Variants in CTNNA2 observed in about 807,000 individuals in gnomAD.
CTNNA2 encodes catenin alpha-2.
CTNNA2 carries 42 observed loss-of-function variants against 101.0 expected under a neutral mutation model. The ratio of observed to expected loss-of-function variants is 0.42; its 90% CI spans 0.32 to 0.54. The LOEUF (loss-of-function observed/expected upper bound fraction) is 0.54, where lower values mean the gene tolerates loss of function less well. Ranked by LOEUF, CTNNA2 falls within the 20% of genes least tolerant of loss-of-function variation. The probability of loss-of-function intolerance (pLI) is 0.14; values close to 1 mark genes in which losing one functional copy is unlikely to be tolerated. For missense variants in CTNNA2, 871 were observed against 1,223.1 expected (o/e 0.71, Z 4.29); for synonymous variants, 450 against 456.4 (o/e 0.99, Z 0.18).
intron 1 of CTNNA2, among the ~76,000 whole-genome samples, chr2:79,608,792 A>G (rs1185949187): frequency 6.6e-6 from 1 of 152,114 alleles, no homozygotes; most frequent in African/African-American, 2.4e-5. Context: ...TTCAGCAAAT[A>G]TAAACTTAAT....
At chr2:79,322,339 G>A (rs1191637773) in intron 3 of CTNNA2, among the ~76,000 whole-genome samples, 3 of 152,088 alleles carry the variant, frequency 2.0e-5, no homozygotes, top group Admixed American at 6.6e-5. Context: ...ACACTGACCT[G>A]GCTTTGCATT....
At chr2:79,654,243 G>A (rs546846112) in intron 2 of CTNNA2, among the ~76,000 whole-genome samples, 5 of 152,248 alleles carry the variant, frequency 3.3e-5, no homozygotes, top group African/African-American at 9.6e-5. Flanking sequence ...TACTAGCAGC[G>A]CCCCACTTCC....
At chr2:80,339,309 G>T (rs1672024760) in intron 7 of CTNNA2, among the ~76,000 whole-genome samples, 1 of 152,050 alleles carries the variant, frequency 6.6e-6, no homozygotes, top group African/African-American at 2.4e-5. Flanking sequence ...AGTTTGAGTT[G>T]CATCTAGGTG....
chr2:80,281,511 C>G (rs1323947547), intron 7 of CTNNA2, among the ~76,000 whole-genome samples: 1 of 152,100 alleles, frequency 6.6e-6, no homozygotes, highest in African/African-American at 2.4e-5. Context: ...GCAATTTCTC[C>G]TTATGTCCTC....
intron 9 of CTNNA2, among the ~76,000 whole-genome samples, chr2:80,473,391 C>G (rs917018109): frequency 6.6e-6 from 1 of 152,168 alleles, no homozygotes; most frequent in Non-Finnish European, 1.5e-5. Flanking sequence ...AGGGCTTTTT[C>G]TAAAATGTCG....
chr2:79,590,017 A>G (rs1549765), intron 1 of CTNNA2, among the ~76,000 whole-genome samples: 123,775 of 152,162 alleles, frequency 0.81, 50,502 homozygotes, highest in Middle Eastern at 0.85. Flanking sequence ...GATGTCTGAG[A>G]GATTAACGTT....
intron 12 of CTNNA2, among the ~76,000 whole-genome samples, chr2:80,564,269 A>T (rs1693858703): frequency 6.6e-6 from 1 of 150,582 alleles, no homozygotes; most frequent in Non-Finnish European, 1.5e-5. Flanking sequence ...ACACTAAGCT[A>T]AATAAGGCAT....
At chr2:80,403,884 T>C (rs960698588) in intron 8 of CTNNA2, among the ~76,000 whole-genome samples, 6 of 152,244 alleles carry the variant, frequency 3.9e-5, no homozygotes, top group African/African-American at 7.2e-5. Context: ...TGTTTGTCTT[T>C]AGTTCTGTTT....
intron 7 of CTNNA2, among the ~76,000 whole-genome samples, chr2:79,979,692 A>C (rs1029681734): frequency 6.6e-6 from 1 of 152,168 alleles, no homozygotes; most frequent in African/African-American, 2.4e-5. Flanking sequence ...ACAAAAAGAA[A>C]GTGAGAAAAT....
At chr2:79,725,467 T>A (rs72927416) in intron 2 of CTNNA2, among the ~76,000 whole-genome samples, 1 of 152,176 alleles carries the variant, frequency 6.6e-6, no homozygotes, top group Non-Finnish European at 1.5e-5. Context: ...AAGAGTGTTC[T>A]TTGCTTACTG....
intron 9 of CTNNA2, among the ~76,000 whole-genome samples, chr2:80,429,984 A>G (rs981732840): frequency 3.9e-5 from 6 of 152,224 alleles, no homozygotes; most frequent in Non-Finnish European, 7.3e-5. Flanking sequence ...GGCAAACTAT[A>G]AAGCGTAGAG....
At chr2:79,956,843 GT>G (rs66471325) in intron 7 of CTNNA2, among the ~76,000 whole-genome samples, 42 of 98,906 alleles carry the variant, frequency 4.2e-4, no homozygotes, top group African/African-American at 1.4e-3. Context: ...ATACGTGTGG[GT>G]TTTTTTTTTT....
intron 9 of CTNNA2, among the ~76,000 whole-genome samples, chr2:80,532,307 A>G (rs764883237): frequency 2.6e-5 from 4 of 152,140 alleles, no homozygotes; most frequent in Non-Finnish European, 5.9e-5. Flanking sequence ...ATTGAGTGCC[A>G]TTCTGAATAG....
At chr2:79,824,832 A>T (rs1288274271) in intron 3 of CTNNA2, among the ~76,000 whole-genome samples, 15 of 152,150 alleles carry the variant, frequency 9.9e-5, no homozygotes, top group Non-Finnish European at 2.9e-5. Context: ...AATATCAAAT[A>T]TAATTTGTTT....
intron 2 of CTNNA2, among the ~76,000 whole-genome samples, chr2:79,258,845 CA>C (rs869066159): frequency 0.07 from 6,306 of 90,472 alleles, 87 homozygotes; most frequent in African/African-American, 0.14. Flanking sequence ...AATCCTCTAC[CA>C]AAAAAAAAAA....
At chr2:80,625,656 T>C (rs1236140253) in intron 18 of CTNNA2, among the ~76,000 whole-genome samples, 1 of 152,114 alleles carries the variant, frequency 6.6e-6, no homozygotes, top group Non-Finnish European at 1.5e-5. Flanking sequence ...AATGAACACA[T>C]AATCTATGCT....
intron 3 of CTNNA2, among the ~76,000 whole-genome samples, chr2:79,819,123 G>T (rs1677808277): frequency 1.3e-5 from 2 of 151,674 alleles, no homozygotes; most frequent in Admixed American, 1.3e-4. Context: ...GGGATTACAG[G>T]CATGCGCCAC....
At chr2:80,235,712 A>G (rs1393408009) in intron 7 of CTNNA2, among the ~76,000 whole-genome samples, 3 of 152,184 alleles carry the variant, frequency 2.0e-5, no homozygotes, top group Non-Finnish European at 4.4e-5. Flanking sequence ...GTGAAGAATC[A>G]AGTACCTGGT....
intron 7 of CTNNA2, among the ~76,000 whole-genome samples, chr2:80,137,763 T>C (rs1277259320): frequency 1.3e-5 from 2 of 152,010 alleles, no homozygotes; most frequent in African/African-American, 4.8e-5. Flanking sequence ...TCCTTAGCCA[T>C]TCAGATAAAC....
Sources: gnomAD v4.1 joint callset for allele counts (sites outside exome capture counted in the v4.1 genomes callset) on GRCh38, gnomAD v4.1.1 for gene constraint, MANE v1.5 for transcripts, NCBI Gene and HGNC (gene_info 2026-07-23, HGNC 2026-07-21) for gene names.